The following PPP6R3 variants were observed in gnomAD, a reference collection of about 807,000 sequenced individuals.
PPP6R3 encodes serine/threonine-protein phosphatase 6 regulatory subunit 3.
In PPP6R3, 38 loss-of-function variants were observed where a neutral mutation model predicts 110.7. The observed-to-expected ratio is 0.34, with a 90% confidence interval of 0.26 to 0.45. PPP6R3 has a LOEUF of 0.45. Among genes scored for constraint, PPP6R3 ranks in the 20% least tolerant of loss-of-function variants. The pLI is 1.00. For synonymous variants in PPP6R3, 369 were observed against 373.5 expected, an observed-to-expected ratio of 0.99 and a Z score of 0.14; for missense variants, 870 against 1,062.4, an observed-to-expected ratio of 0.82 and a Z score of 2.52.
At position 68,615,037 on chromosome 11, in the gene PPP6R3, A is replaced by T. The variant is rs1359202253; in HGVS notation, c.*1920A>T. 2.0e-6 allele frequency: 1 copy of T among 497,874 alleles called. No individual in the cohort carries two copies. Among genetic ancestry groups the T allele is most frequent in the South Asian group, 1.5e-5 (1 of 64,948 alleles). 30.8% of individuals were successfully genotyped at this position (497,874 alleles called of 1,614,324 possible). On this transcript the variant is annotated 3_prime_UTR_variant, in exon 24 of 24. Coordinates refer to ENST00000393800, the MANE Select transcript of PPP6R3 (RefSeq NM_001164161.2). ...CCTGGTGGCTTCTCCATCCTACCCA[A>T]GGTAACAGTGTCTTGCTTCATCCCA...
chr11:68,489,312 A>G (rs1227666371), intron 1 of PPP6R3, among the ~76,000 whole-genome samples: 4 of 152,034 alleles, frequency 2.6e-5, no homozygotes, highest in Admixed American at 1.3e-4. Context: ...TGTCACATAC[A>G]CTTTTTCTGC....
chr11:68,612,426 GC>G (rs902628703), intron 23 of PPP6R3, among the ~76,000 whole-genome samples: 4 of 152,134 alleles, frequency 2.6e-5, no homozygotes, highest in African/African-American at 9.7e-5. Context: ...TTTTGGTCAA[GC>G]CTTCCCGAAT....
chr11:68,561,053 C>T (rs1334329530), intron 8 of PPP6R3, among the ~76,000 whole-genome samples: 6 of 152,108 alleles, frequency 3.9e-5, no homozygotes, highest in South Asian at 2.1e-4. Context: ...CCCGCCACTA[C>T]GCCCAGCTAA....
chr11:68,604,074 C>G (rs1408079572), intron 22 of PPP6R3, among the ~76,000 whole-genome samples: 1 of 152,208 alleles, frequency 6.6e-6, no homozygotes, highest in Non-Finnish European at 1.5e-5. Flanking sequence ...GAGCTTTAGT[C>G]TTAGAGACCA....
intron 14 of PPP6R3, among the ~76,000 whole-genome samples, chr11:68,580,037 G>T (rs1313605396): frequency 6.6e-6 from 1 of 152,254 alleles, no homozygotes; most frequent in Non-Finnish European, 1.5e-5. Context: ...GGGAGTTAGG[G>T]AGTCTTTGGG....
At chr11:68,573,985 A>G (rs913678060) in intron 12 of PPP6R3, 124 bp from the exon 13 acceptor site, 7 of 646,240 alleles carry the variant, frequency 1.1e-5, no homozygotes, top group African/African-American at 7.2e-5. Flanking sequence ...TTTTCTGTCC[A>G]TCGTCATTTT....
intron 1 of PPP6R3, among the ~76,000 whole-genome samples, chr11:68,516,503 C>T (rs185161305): frequency 2.2e-4 from 34 of 152,178 alleles, no homozygotes; most frequent in African/African-American, 7.9e-4. Context: ...TTTAAAAATG[C>T]AAAAAAATTG....
At chr11:68,470,561 T>C (rs992356785) in intron 1 of PPP6R3, among the ~76,000 whole-genome samples, 13 of 152,134 alleles carry the variant, frequency 8.5e-5, no homozygotes, top group Non-Finnish European at 1.6e-4. Flanking sequence ...ATTTGGTGTT[T>C]TGAGCAGAGG....
rs535362459 is a variant in PPP6R3, at chr11:68,573,481, G to T, written c.1344-628G>T. On this transcript the variant is annotated intron_variant, in intron 12 of 23. Transcript: ENST00000393800. ...CGAATTAAGTGTAAAGATTGATCATGGTTGGGAAGATGAGACCTTAAATGG... is the reference window on the plus strand; with the variant it reads ...CGAATTAAGTGTAAAGATTGATCATTGTTGGGAAGATGAGACCTTAAATGG... Among the ~76,000 whole-genome samples the T allele has an allele frequency of 4.6e-5, 7 of 152,144 alleles. No individual in the cohort carries two copies. The East Asian group carries it at 1.2e-3, about 25-fold the overall frequency.
chr11:68,513,146 T>C (rs1214222227), intron 1 of PPP6R3, among the ~76,000 whole-genome samples: 2 of 152,100 alleles, frequency 1.3e-5, no homozygotes, highest in African/African-American at 2.4e-5. Flanking sequence ...GGACTTGGAT[T>C]GAACCTCGTT....
At chr11:68,510,572 G>T (rs2099103869) in intron 1 of PPP6R3, among the ~76,000 whole-genome samples, 1 of 152,114 alleles carries the variant, frequency 6.6e-6, no homozygotes, top group Non-Finnish European at 1.5e-5. Context: ...CTGGGCTCAG[G>T]TGATCCTCCT....
chr11:68,496,962 C>T (rs1172499233), intron 1 of PPP6R3, among the ~76,000 whole-genome samples: 1 of 149,022 alleles, frequency 6.7e-6, no homozygotes, highest in Non-Finnish European at 1.5e-5. Context: ...CCCAGGTTCA[C>T]GCCGTTCTCT....
At chr11:68,528,783 C>T (rs940697465) in intron 2 of PPP6R3, among the ~76,000 whole-genome samples, 1 of 152,200 alleles carries the variant, frequency 6.6e-6, no homozygotes, top group African/African-American at 2.4e-5. Context: ...AGTCACCAGA[C>T]CCTCCTGGAG....
At chr11:68,610,488 T>G (rs1190793877) in intron 23 of PPP6R3, among the ~76,000 whole-genome samples, 3 of 152,212 alleles carry the variant, frequency 2.0e-5, no homozygotes, top group Non-Finnish European at 2.9e-5. Flanking sequence ...TTCATACATG[T>G]AGCTAAATAA....
intron 23 of PPP6R3, 60 bp downstream of exon 23, chr11:68,610,083 T>G: frequency 6.3e-7 from 1 of 1,590,534 alleles, no homozygotes; most frequent in South Asian, 1.1e-5. Context: ...TGTTGCTTCC[T>G]GGGAGTTGGG....
intron 10 of PPP6R3, among the ~76,000 whole-genome samples, chr11:68,568,917 A>G: frequency 6.6e-6 from 1 of 151,906 alleles, no homozygotes. Flanking sequence ...GGCGCCCGCC[A>G]CCACACCCAG....
chr11:68,496,047 C>T (rs2099013470), intron 1 of PPP6R3, among the ~76,000 whole-genome samples: 1 of 152,120 alleles, frequency 6.6e-6, no homozygotes, highest in African/African-American at 2.4e-5. Context: ...TGCAGTGGTG[C>T]AGTCACAGCT....
At chr11:68,467,975 T>C (rs2098760461) in intron 1 of PPP6R3, among the ~76,000 whole-genome samples, 1 of 152,160 alleles carries the variant, frequency 6.6e-6, no homozygotes, top group East Asian at 1.9e-4. Flanking sequence ...AGTTTCACCA[T>C]GTTGGCCAGG....
intron 1 of PPP6R3, among the ~76,000 whole-genome samples, chr11:68,518,641 T>A (rs984295937): frequency 6.6e-6 from 1 of 152,254 alleles, no homozygotes; most frequent in Non-Finnish European, 1.5e-5. Flanking sequence ...ATTTTATTTT[T>A]AAAATTAAAT....
Sources: allele counts gnomAD v4.1 joint callset (sites outside exome capture counted in the v4.1 genomes callset), GRCh38; gene constraint gnomAD v4.1.1; transcripts MANE v1.5; gene names NCBI Gene and HGNC (gene_info 2026-07-23, HGNC 2026-07-21).